MGAT4C: variants seen among roughly 807,000 people sequenced by gnomAD.
MGAT4C encodes alpha-1,3-mannosyl-glycoprotein 4-beta-N-acetylglucosaminyltransferase C.
In MGAT4C, 19 loss-of-function variants were observed where a neutral mutation model predicts 40.1. The observed-to-expected ratio is 0.47, with a 90% CI of 0.33 to 0.70. The LOEUF (loss-of-function observed/expected upper bound fraction) is 0.70. MGAT4C is among the 30% of genes least tolerant of loss of function. The pLI is 0.02. For missense variants in MGAT4C, 491 were observed against 563.2 expected (o/e 0.87, Z 1.30); for synonymous variants, 181 against 187.1 (o/e 0.97, Z 0.27).
At chr12:86,119,611 G>A (rs1879032049) in intron 1 of MGAT4C, among the ~76,000 whole-genome samples, 1 of 151,384 alleles carries the variant, frequency 6.6e-6, no homozygotes, top group Admixed American at 6.6e-5. Context: ...GTTTCACCAT[G>A]TTGTCCAGGC....
At chr12:86,003,124 A>G (rs1887522245) in intron 2 of MGAT4C, among the ~76,000 whole-genome samples, 1 of 152,088 alleles carries the variant, frequency 6.6e-6, no homozygotes, top group African/African-American at 2.4e-5. Flanking sequence ...ATTCTGTTCC[A>G]ATTTTCAGTG....
intron 1 of MGAT4C, among the ~76,000 whole-genome samples, chr12:86,056,397 C>G (rs1467326506): frequency 6.6e-6 from 1 of 152,092 alleles, no homozygotes; most frequent in East Asian, 1.9e-4. Context: ...CCTCCACCCC[C>G]TTAAGGCCCC....
intron 2 of MGAT4C, among the ~76,000 whole-genome samples, chr12:86,515,300 G>T (rs1958663254): frequency 6.6e-6 from 1 of 152,082 alleles, no homozygotes. Context: ...AGAGCCACTT[G>T]CAAGAAAATG....
At position 86,579,535 on chromosome 12, in the gene MGAT4C, T is replaced by C. The variant is rs116051419; in HGVS notation, c.-228-144270A>G. Among the ~76,000 whole-genome samples the C allele has an allele frequency of 7.5e-3, 1,143 of 151,742 alleles. 16 individuals carry two copies. Among genetic ancestry groups the C allele is most frequent in the African/African-American group, 0.026 (1,094 of 41,482 alleles). On this transcript the variant is annotated intron_variant, in intron 2 of 7. Transcript: ENST00000548651. ...TCTTGAAAAGTTGTTGCGGTAATTATTTTTCCTGACTTATCATTTAGTCTT... is the reference window on the plus strand; with the variant it reads ...TCTTGAAAAGTTGTTGCGGTAATTACTTTTCCTGACTTATCATTTAGTCTT...
intron 1 of MGAT4C, among the ~76,000 whole-genome samples, chr12:86,192,830 A>G (rs1889674801): frequency 6.6e-6 from 1 of 152,090 alleles, no homozygotes; most frequent in Non-Finnish European, 1.5e-5. Flanking sequence ...TTTTAGTTAT[A>G]TCAAATTTTC....
intron 4 of MGAT4C, among the ~76,000 whole-genome samples, chr12:86,290,332 C>T (rs1362198843): frequency 4.6e-5 from 7 of 152,258 alleles, no homozygotes; most frequent in Admixed American, 6.5e-5. Context: ...CCACCGCACC[C>T]GGCCTCTAAC....
In MGAT4C at chr12:85,966,505, A is replaced by C. The variant is rs2136651701; in HGVS notation, c.*12784T>G. On this transcript the variant is annotated 3_prime_UTR_variant, in exon 5 of 5. Transcript: ENST00000611864. ...AACCAAAATCTTTTTAAAAATTCTT[A>C]GTTCTTTTAGAAATACCATTTGACC... 1 of 152,272 alleles carries C rather than the reference A, an allele frequency of 6.6e-6. No homozygotes were observed. Among genetic ancestry groups the C allele is most frequent in the East Asian group, 1.9e-4 (1 of 5,182 alleles). The allele number at this position is 152,272 out of a possible 1,614,324, so 9.4% of individuals were successfully genotyped here.
At chr12:86,808,221 C>A (rs1445966552) in intron 1 of MGAT4C, among the ~76,000 whole-genome samples, 1 of 152,056 alleles carries the variant, frequency 6.6e-6, no homozygotes, top group Admixed American at 6.6e-5. Context: ...AGACATCCGT[C>A]CTTCTGAAAC....
chr12:86,441,483 G>C (rs1957226902), intron 2 of MGAT4C, among the ~76,000 whole-genome samples: 1 of 143,794 alleles, frequency 7.0e-6, no homozygotes, highest in South Asian at 2.4e-4. Flanking sequence ...ACCTCCTAAT[G>C]CTTTCCCTCC....
At chr12:86,143,769 A>G (rs1312966672) in intron 1 of MGAT4C, among the ~76,000 whole-genome samples, 2 of 152,192 alleles carry the variant, frequency 1.3e-5, no homozygotes, top group Non-Finnish European at 2.9e-5. Flanking sequence ...GAAAGAAATA[A>G]AAAGTGTTTT....
intron 1 of MGAT4C, among the ~76,000 whole-genome samples, chr12:86,794,564 T>G (rs931035737): frequency 2.0e-5 from 3 of 151,830 alleles, no homozygotes; most frequent in Non-Finnish European, 3.0e-5. Context: ...CTTAAAATAC[T>G]GCTGTTAAGA....
chr12:86,300,853 T>G (rs1045989314), intron 4 of MGAT4C, among the ~76,000 whole-genome samples: 1 of 152,108 alleles, frequency 6.6e-6, no homozygotes, highest in Non-Finnish European at 1.5e-5. Flanking sequence ...TAAAAAGTTA[T>G]GTTAGATATG....
At chr12:86,668,535 G>A (rs907231312) in intron 2 of MGAT4C, among the ~76,000 whole-genome samples, 1 of 152,176 alleles carries the variant, frequency 6.6e-6, no homozygotes. Context: ...CCCAGACCGT[G>A]GACCAAGAGC....
At chr12:86,169,754 G>C (rs941311998) in intron 1 of MGAT4C, among the ~76,000 whole-genome samples, 13 of 152,110 alleles carry the variant, frequency 8.5e-5, no homozygotes, top group African/African-American at 2.9e-4. Context: ...TCTTCTGATA[G>C]AGTTTCCTTT....
chr12:86,285,180 T>G (rs1261282736), intron 4 of MGAT4C, among the ~76,000 whole-genome samples: 1 of 151,986 alleles, frequency 6.6e-6, no homozygotes, highest in East Asian at 1.9e-4. Context: ...GTCACAAATA[T>G]TCGGCTTCCT....
intron 1 of MGAT4C, among the ~76,000 whole-genome samples, chr12:86,228,610 G>A (rs766079996): frequency 6.6e-6 from 1 of 151,540 alleles, no homozygotes; most frequent in African/African-American, 2.4e-5. Context: ...AATGAACACT[G>A]TATTAGTCCC....
At chr12:86,522,298 A>G (rs1236365207) in intron 2 of MGAT4C, among the ~76,000 whole-genome samples, 2 of 152,034 alleles carry the variant, frequency 1.3e-5, no homozygotes, top group African/African-American at 4.8e-5. Flanking sequence ...GTTTGTTGAG[A>G]GTTTTTAACA....
At chr12:86,068,679 G>A (rs1054338652) in intron 1 of MGAT4C, among the ~76,000 whole-genome samples, 4 of 151,730 alleles carry the variant, frequency 2.6e-5, no homozygotes, top group African/African-American at 9.7e-5. Context: ...TTGTGTGAAG[G>A]CTTGTGCCAA....
intron 2 of MGAT4C, among the ~76,000 whole-genome samples, chr12:86,445,644 C>G (rs981973277): frequency 3.4e-4 from 52 of 152,210 alleles, no homozygotes; most frequent in African/African-American, 1.3e-3. Flanking sequence ...TCCAAATGTC[C>G]TCCCGCAGTA....
Sources: allele counts gnomAD v4.1 joint callset (sites outside exome capture counted in the v4.1 genomes callset), GRCh38; gene constraint gnomAD v4.1.1; transcripts MANE v1.5; gene names NCBI Gene and HGNC (gene_info 2026-07-23, HGNC 2026-07-21).